Variants in KIDINS220 observed in about 807,000 individuals in gnomAD.
The protein encoded by KIDINS220 is kinase D-interacting substrate of 220 kDa.
A neutral mutation model predicts 157.6 loss-of-function variants in KIDINS220; 63 were observed. That is an observed-to-expected ratio of 0.40 (90% CI 0.33 to 0.49). The LOEUF is 0.49. Among genes scored for constraint, KIDINS220 ranks in the 20% least tolerant of loss-of-function variants. KIDINS220 has a pLI of 0.66. For synonymous variants in KIDINS220, 732 were observed against 783.6 expected (o/e 0.93, Z 1.10); for missense variants, 1,772 against 2,171.2 (o/e 0.82, Z 3.65).
chr2:8,827,124 G>T lies in KIDINS220; in HGVS notation c.-31C>A. ...CAGAAAGCTGCAATTAACTTTATTT[G>T]AATACCTGTTAAATTAGACAAAATA... On this transcript the variant is annotated 5_prime_UTR_variant, in exon 2 of 30. Transcript: ENST00000256707. 1 of 1,205,860 alleles carries T rather than the reference G, an allele frequency of 8.3e-7. No individual in the cohort carries two copies. Among genetic ancestry groups the T allele is most frequent in the Non-Finnish European group, 1.2e-6 (1 of 829,610 alleles). 74.7% of individuals were successfully genotyped at this position (1,205,860 alleles called of 1,614,324 possible). A position where few individuals can be genotyped will look rare whatever the true frequency, so the allele number is the denominator to read the frequency against.
chr2:8,814,683 A>G (rs997665066), intron 4 of KIDINS220, among the ~76,000 whole-genome samples: 2 of 152,236 alleles, frequency 1.3e-5, no homozygotes, highest in Non-Finnish European at 2.9e-5. Context: ...TTTAGTCAGA[A>G]TAAAGATATT....
At chr2:8,741,004 G>T (rs1665547191) in intron 26 of KIDINS220, among the ~76,000 whole-genome samples, 1 of 152,110 alleles carries the variant, frequency 6.6e-6, no homozygotes, top group East Asian at 1.9e-4. Context: ...TTCAATATCT[G>T]GGGCACTTCG....
intron 20 of KIDINS220, 69 bp from the exon 21 acceptor site, chr2:8,776,961 T>C (rs1671049501): frequency 2.7e-6 from 4 of 1,484,768 alleles, no homozygotes; most frequent in South Asian, 2.7e-5. Flanking sequence ...CTTTTTGAGA[T>C]GTTAATAAAT....
At chr2:8,796,504 C>A (rs914898229) in intron 11 of KIDINS220, among the ~76,000 whole-genome samples, 77 of 152,292 alleles carry the variant, frequency 5.1e-4, no homozygotes, top group African/African-American at 1.8e-3. Flanking sequence ...GAAGGCAGAG[C>A]CTCCTCCTGA....
rs769204645 is a variant in KIDINS220, at chr2:8,791,112, C to G, written c.1389G>C (p.Gly463=). 4 of 1,613,990 alleles carry G rather than the reference C, an allele frequency of 2.5e-6. No homozygotes were observed. The highest frequency in any genetic ancestry group is 3.4e-6 in the Non-Finnish European group (4 of 1,179,954). Residue 463 remains glycine (G), a synonymous_variant, in exon 13 of 30, where the codon GGG becomes GGC. Coordinates refer to ENST00000256707, the MANE Select transcript of KIDINS220 (RefSeq NM_020738.4). ...TCCCACTTCCCCACTGTGCATATAA[C>G]CCCACACAAATGGGTGGCTGCATGG... ...EPTMQPPICV[G]LYAQWGSGKS...
rs1288044124 is a variant in KIDINS220, at chr2:8,729,704, T to C, written c.*1016A>G. On this transcript the variant is annotated 3_prime_UTR_variant, in exon 30 of 30. Coordinates refer to ENST00000256707, the MANE Select transcript of KIDINS220 (RefSeq NM_020738.4). ...CATGCTGACTTAGGAACAGATGAAGTAGATAAAGTCTATCCTAGTATAGAG... is the reference window on the plus strand; with the variant it reads ...CATGCTGACTTAGGAACAGATGAAGCAGATAAAGTCTATCCTAGTATAGAG... 2.0e-6 allele frequency: 2 copies of C among 984,838 alleles called. No individual in the cohort carries two copies. The highest frequency in any genetic ancestry group is 1.1e-4 in the East Asian group (1 of 8,814). 61.0% of individuals were successfully genotyped at this position (984,838 alleles called of 1,614,324 possible).
chr2:8,837,091 AG>A lies in KIDINS220; in HGVS notation c.-37+388del, dbSNP rs558362657. 1.8e-4 allele frequency among the ~76,000 whole-genome samples: 28 copies of A among 152,270 alleles called. No homozygotes were observed. In the East Asian group the frequency reaches 5.4e-3, roughly 29 times the overall value. ...CGTGGAAGCCTAGGAGGAGGAACCT[AG>A]AAAGACTAGCGGTACCAGCTAAGGG... On this transcript the variant is annotated intron_variant, in intron 1 of 29. Transcript: ENST00000256707.
intron 26 of KIDINS220, among the ~76,000 whole-genome samples, chr2:8,740,503 T>C (rs1665478573): frequency 6.6e-6 from 1 of 152,220 alleles, no homozygotes; most frequent in African/African-American, 2.4e-5. Context: ...TCAGATTGGC[T>C]ATGAAAAGTC....
At chr2:8,810,712 G>A (rs1290560610) in intron 6 of KIDINS220, among the ~76,000 whole-genome samples, 1 of 152,144 alleles carries the variant, frequency 6.6e-6, no homozygotes, top group Non-Finnish European at 1.5e-5. Flanking sequence ...CTTGAACCCA[G>A]GAGGCAGAGG....
At chr2:8,752,364 T>C (rs1163798048) in intron 22 of KIDINS220, among the ~76,000 whole-genome samples, 3 of 151,992 alleles carry the variant, frequency 2.0e-5, no homozygotes. Flanking sequence ...AAAAAAGTAG[T>C]ATGGTTACAA....
At chr2:8,801,173 G>A (rs1336151393) in intron 8 of KIDINS220, among the ~76,000 whole-genome samples, 2 of 152,112 alleles carry the variant, frequency 1.3e-5, no homozygotes, top group Non-Finnish European at 2.9e-5. Context: ...ACTGGAAACA[G>A]CTATTTTGGA....
At chr2:8,796,184 A>G (rs893596531) in intron 11 of KIDINS220, among the ~76,000 whole-genome samples, 6 of 152,220 alleles carry the variant, frequency 3.9e-5, no homozygotes, top group African/African-American at 1.4e-4. Context: ...ATTATTTTTT[A>G]CTTTATACAT....
intron 22 of KIDINS220, among the ~76,000 whole-genome samples, chr2:8,768,996 T>C (rs542561016): frequency 6.6e-6 from 1 of 152,284 alleles, no homozygotes; most frequent in Non-Finnish European, 1.5e-5. Flanking sequence ...AATATACCTA[T>C]TTCACCAGGA....
intron 24 of KIDINS220, 108 bp downstream of exon 24, chr2:8,750,004 T>C (rs1667108671): frequency 1.2e-6 from 1 of 849,600 alleles, no homozygotes; most frequent in Non-Finnish European, 1.8e-6. Flanking sequence ...ATTTTTCCTA[T>C]GCTAAAGCCA....
In KIDINS220 at chr2:8,802,945, C is replaced by T. The variant is rs1196086457; in HGVS notation, c.786G>A (p.Val262=). 1 of 1,613,848 alleles carries T rather than the reference C, an allele frequency of 6.2e-7. No homozygotes were observed. Among genetic ancestry groups the T allele is most frequent in the Non-Finnish European group, 8.5e-7 (1 of 1,179,910 alleles). ...VQDLLDAGTY[V]NIPDRSGDTV... ...GATGACCTACCCTGTCAGGTATGTT[C>T]ACATATGTTCCAGCGTCGAGCAGAT... Residue 262 remains valine (V), a synonymous_variant, in exon 8 of 30, where the codon GTG becomes GTA. Transcript: ENST00000256707.
chr2:8,731,392 T>C lies in KIDINS220; in HGVS notation c.4644A>G (p.Lys1548=), dbSNP rs1287704942. 1.2e-6 allele frequency: 2 copies of C among 1,614,226 alleles called. No individual in the cohort carries two copies. The highest frequency in any genetic ancestry group is 1.7e-6 in the Non-Finnish European group (2 of 1,180,034). ...CTGGAGACTTCGGCACTCTCTCTAC[T>C]TTCCCTTCGGCTTTTCTGTCTTTGT... ...KDDKDRKAEG[K]VERVPKSPEH... The change falls in exon 30 of 30, where the codon AAA becomes AAG. Residue 1548 remains lysine (K), a synonymous_variant. Coordinates refer to ENST00000256707, the MANE Select transcript of KIDINS220 (RefSeq NM_020738.4). The surrounding 1 kb of genome is among the most constrained non-coding windows in gnomAD (Gnocchi z 5.2).
chr2:8,744,393 A>C lies in KIDINS220; in HGVS notation c.3585+2752T>G, dbSNP rs1666218468. On this transcript the variant is annotated intron_variant, in intron 26 of 29. Transcript: ENST00000256707. The stretch of plus-strand genomic sequence containing the variant: ...AAAAAAAAAAAAAAAAAAAAAATAT[A>C]TATATATAATATATATATATATATA... Among the ~76,000 whole-genome samples the C allele has an allele frequency of 3.4e-4, 9 of 26,520 alleles. 1 individual carries two copies. Among genetic ancestry groups the C allele is most frequent in the Admixed American group, 7.1e-4 (1 of 1,418 alleles). The allele number at this position is 26,520 out of a possible 152,430, so 17.4% of individuals were successfully genotyped here. A position where few individuals can be genotyped will look rare whatever the true frequency, so the allele number is the denominator to read the frequency against.
chr2:8,731,882 T>G lies in KIDINS220; in HGVS notation c.4154A>C (p.Asp1385Ala). 1 of 1,614,100 alleles carries G rather than the reference T, an allele frequency of 6.2e-7. No homozygotes were observed. The stretch of plus-strand genomic sequence containing the variant: ...CTGAGCAATGTATTCTCTATAGGCA[T>G]CTCTATACTCGGCCTGCACCTTATC... ...LTDKVQAEYRDAYREYIAQMS... is the reference protein window; with the variant it reads ...LTDKVQAEYRAAYREYIAQMS... Residue 1385 changes from aspartate (D) to alanine (A), a missense_variant, in exon 30 of 30, where the codon GAT becomes GCT. Asp to Ala is a moderately radical substitution (Grantham distance 126). Around this residue, in one of 3 missense-constraint regions of KIDINS220, gnomAD observed 793 missense variants for 885.5 expected, o/e 0.90. Coordinates refer to ENST00000256707, the MANE Select transcript of KIDINS220 (RefSeq NM_020738.4). This position sits in a 1 kb window ranked among gnomAD's most constrained non-coding sequence, Gnocchi z 5.2.
At chr2:8,819,729 A>C (rs557008247) in intron 2 of KIDINS220, among the ~76,000 whole-genome samples, 1 of 152,174 alleles carries the variant, frequency 6.6e-6, no homozygotes, top group African/African-American at 2.4e-5. Context: ...GGAGGCTGAG[A>C]CATGAGAATC....
Sources: allele counts gnomAD v4.1 joint callset (sites outside exome capture counted in the v4.1 genomes callset), GRCh38; gene constraint gnomAD v4.1.1; regional missense constraint gnomAD v4.1.1; non-coding constraint Gnocchi (gnomAD v3.1); transcripts MANE v1.5; gene names NCBI Gene and HGNC (gene_info 2026-07-23, HGNC 2026-07-21).